The following ALKBH1 variants were observed in gnomAD, a reference collection of about 807,000 sequenced individuals.
ALKBH1 encodes alkB homolog 1, histone H2A dioxygenase, also known as nucleic acid dioxygenase ALKBH1.
A neutral mutation model predicts 36.6 loss-of-function variants in ALKBH1; 31 were observed. The observed-to-expected ratio is 0.85, with a 90% CI of 0.64 to 1.14. The LOEUF (loss-of-function observed/expected upper bound fraction) is 1.14, where lower values mean the gene tolerates loss of function less well. Ranked by LOEUF, ALKBH1 falls within the 50% of genes most tolerant of loss-of-function variation. The pLI, the probability that ALKBH1 is intolerant of heterozygous loss-of-function variation, is 0.00. For missense variants in ALKBH1, 490 were observed against 497.3 expected, an observed-to-expected ratio of 0.99 and a Z score of 0.14; for synonymous variants, 183 against 186.6, an observed-to-expected ratio of 0.98 and a Z score of 0.16.
intron 2 of ALKBH1, among the ~76,000 whole-genome samples, chr14:77,701,010 C>G (rs990319535): frequency 2.6e-5 from 4 of 152,130 alleles, no homozygotes; most frequent in African/African-American, 9.7e-5. Flanking sequence ...TGGGAGGAAC[C>G]TTTAAGCCTG....
rs992019297 is a variant in ALKBH1 at position 77,707,767 on chromosome 14, C to T, written c.183+55G>A. The T allele has an allele frequency of 6.5e-6, 10 of 1,537,364 alleles. No individual in the cohort carries two copies. The African/African-American group carries it at 9.7e-5, about 15-fold the overall frequency. On this transcript the variant is annotated intron_variant, in intron 1 of 5. Transcript: ENST00000216489. ...AGAGGCGAAGAAGACACGTAAGTCC[C>T]TCCAAGACGCGGGGCAAAGCGATGG...
chr14:77,699,129 T>C (rs574061791), intron 2 of ALKBH1, among the ~76,000 whole-genome samples: 1 of 152,208 alleles, frequency 6.6e-6, no homozygotes, highest in Non-Finnish European at 1.5e-5. Flanking sequence ...CAGCCATACA[T>C]AGTAAGTAAA....
In ALKBH1 at chr14:77,685,415, C is replaced by T. The variant is rs569605746; in HGVS notation, c.456-5445G>A. ...TCATGCCACTGCACTCCAGCCTGGG[C>T]GACAGAGTGAGACTCCGTCTTAAAA... On this transcript the variant is annotated intron_variant, in intron 3 of 5. Transcript: ENST00000216489. Among the ~76,000 whole-genome samples the T allele has an allele frequency of 2.0e-5, 3 of 146,576 alleles. No homozygotes were observed. In the East Asian group the frequency reaches 6.1e-4, roughly 30 times the overall value.
chr14:77,700,922 T>C (rs1431192676), intron 2 of ALKBH1, among the ~76,000 whole-genome samples: 1 of 151,806 alleles, frequency 6.6e-6, no homozygotes, highest in East Asian at 1.9e-4. Context: ...ACCCCATCTC[T>C]ACAAAAAATA....
At position 77,694,784 on chromosome 14, in the gene ALKBH1, T is replaced by C. The variant is rs1486058408; in HGVS notation, c.409A>G (p.Lys137Glu). ...NVCNLDKHMS[K>E]EETQDLWEQS... ...TCCCACAGATCTTGGGTCTCTTCTT[T>C]AGACATGTGTTTGTCCAGGTTACAT... Residue 137 changes from lysine to glutamate, a missense_variant, in exon 3 of 6, where the codon AAA becomes GAA. Transcript: ENST00000216489. 5.6e-6 allele frequency: 9 copies of C among 1,609,020 alleles called. No individual in the cohort carries two copies. The East Asian group carries it at 1.8e-4, about 32-fold the overall frequency.
chr14:77,679,586 A>C (rs1168974782), intron 4 of ALKBH1, among the ~76,000 whole-genome samples: 3 of 152,094 alleles, frequency 2.0e-5, no homozygotes, highest in Non-Finnish European at 4.4e-5. Flanking sequence ...ATGTGCCACC[A>C]GGCCCGGCAA....
intron 3 of ALKBH1, among the ~76,000 whole-genome samples, chr14:77,682,387 G>A (rs543971996): frequency 6.6e-6 from 1 of 152,256 alleles, no homozygotes; most frequent in African/African-American, 2.4e-5. Context: ...TGTGGTTAAT[G>A]GAAATATAAA....
chr14:77,705,411 G>GAAAA (rs56123313), intron 1 of ALKBH1, among the ~76,000 whole-genome samples: 23 of 113,340 alleles, frequency 2.0e-4, no homozygotes, highest in African/African-American at 2.0e-4. Flanking sequence ...CTCCGTCTAA[G>GAAAA]AAAAAAAAAA....
intron 2 of ALKBH1, among the ~76,000 whole-genome samples, chr14:77,701,958 T>C (rs1360523448): frequency 6.6e-6 from 1 of 152,108 alleles, no homozygotes; most frequent in Non-Finnish European, 1.5e-5. Context: ...ATGAACAATC[T>C]GTTAAGGGGA....
At position 77,673,691 on chromosome 14, in the gene ALKBH1, A is replaced by C. The variant is rs2080188473; in HGVS notation, c.*121T>G. ...TTCCAAGGCAACAGTGTGATCAACA[A>C]TGAGTTCTTCCCTGTCTCTGTTTTT... is the stretch of plus-strand genomic sequence containing the variant. On this transcript the variant is annotated 3_prime_UTR_variant, in exon 6 of 6. Coordinates refer to ENST00000216489, the MANE Select transcript of ALKBH1 (RefSeq NM_006020.3). 2.9e-6 allele frequency: 3 copies of C among 1,046,146 alleles called. No individual in the cohort carries two copies. The highest frequency in any genetic ancestry group is 4.2e-6 in the Non-Finnish European group (3 of 714,186). The allele number at this position is 1,046,146 out of a possible 1,614,324, so 64.8% of individuals were successfully genotyped here.
intron 1 of ALKBH1, among the ~76,000 whole-genome samples, chr14:77,706,012 G>A (rs1485674596): frequency 7.9e-5 from 12 of 151,994 alleles, no homozygotes; most frequent in Non-Finnish European, 1.8e-4. Flanking sequence ...CCAAGATCAC[G>A]CCACTGCACT....
intron 3 of ALKBH1, chr14:77,691,966 C>T (rs774837555): frequency 6.6e-6 from 1 of 152,236 alleles, no homozygotes; most frequent in Non-Finnish European, 1.5e-5. Flanking sequence ...CCTCACTGCT[C>T]CTGTTGATAC....
At chr14:77,694,157 A>G (rs1016287162) in intron 3 of ALKBH1, among the ~76,000 whole-genome samples, 8 of 152,206 alleles carry the variant, frequency 5.3e-5, no homozygotes, top group Non-Finnish European at 1.0e-4. Context: ...TTCTTGCCAG[A>G]GACTATGCAC....
chr14:77,700,908 T>G (rs2080355716), intron 2 of ALKBH1, among the ~76,000 whole-genome samples: 1 of 151,906 alleles, frequency 6.6e-6, no homozygotes, highest in Non-Finnish European at 1.5e-5. Flanking sequence ...AGCAACATAG[T>G]GGGACCCCAT....
At position 77,704,433 on chromosome 14, in the gene ALKBH1, A is replaced by G; in HGVS notation, c.228T>C (p.Asn76=). Residue 76 remains asparagine, a synonymous_variant, in exon 2 of 6, where the codon AAT becomes AAC. Transcript: ENST00000216489. ...CGGGCTGAAGACCTGCTCTATATGC[A>G]TTCTGCTCACTGACAGAAGACACAT... ...QLNVSSVSEQ[N]AYRAGLQPVS... 1 of 1,614,148 alleles carries G rather than the reference A, an allele frequency of 6.2e-7. No individual in the cohort carries two copies. Among genetic ancestry groups the G allele is most frequent in the Non-Finnish European group, 8.5e-7 (1 of 1,180,010 alleles).
At chr14:77,706,428 T>C (rs1305044896) in intron 1 of ALKBH1, among the ~76,000 whole-genome samples, 1 of 152,192 alleles carries the variant, frequency 6.6e-6, no homozygotes, top group Admixed American at 6.6e-5. Flanking sequence ...ACGACACCAC[T>C]GAGCTTTTAT....
At chr14:77,703,897 G>A (rs1407971292) in intron 2 of ALKBH1, among the ~76,000 whole-genome samples, 1 of 151,888 alleles carries the variant, frequency 6.6e-6, no homozygotes, top group Non-Finnish European at 1.5e-5. Context: ...CACGCCTGGC[G>A]AGGACTTTTG....
intron 5 of ALKBH1, among the ~76,000 whole-genome samples, chr14:77,674,589 G>C (rs1363784284): frequency 6.6e-6 from 1 of 152,106 alleles, no homozygotes; most frequent in African/African-American, 2.4e-5. Flanking sequence ...CGTCACCCAG[G>C]CTGGAGTGGC....
At chr14:77,699,828 G>A (rs971035648) in intron 2 of ALKBH1, among the ~76,000 whole-genome samples, 4 of 152,320 alleles carry the variant, frequency 2.6e-5, no homozygotes, top group African/African-American at 9.6e-5. Context: ...GGCAAGGAGG[G>A]CGGATCACGA....
Sources: allele counts gnomAD v4.1 joint callset (sites outside exome capture counted in the v4.1 genomes callset), GRCh38; gene constraint gnomAD v4.1.1; transcripts MANE v1.5; gene names NCBI Gene and HGNC (gene_info 2026-07-23, HGNC 2026-07-21).